Variants in SLC24A3 observed in about 807,000 individuals in gnomAD.
The protein encoded by SLC24A3 is sodium/potassium/calcium exchanger 3.
A neutral mutation model predicts 75.8 loss-of-function variants in SLC24A3; 28 were observed. That is an observed-to-expected ratio of 0.37 (90% CI 0.27 to 0.51). The LOEUF is 0.51. Among genes scored for constraint, SLC24A3 ranks in the 20% least tolerant of loss-of-function variants. SLC24A3 has a pLI of 0.94. For missense variants in SLC24A3, 663 were observed against 847.8 expected (o/e 0.78, Z 2.71); for synonymous variants, 372 against 334.1 (o/e 1.11, Z -1.24).
rs886207155 is a variant in SLC24A3 at position 19,467,929 on chromosome 20, A to G, written c.272-47559A>G. On this transcript the variant is annotated intron_variant, in intron 2 of 16. Transcript: ENST00000328041. ...GATTCTTCACCCTGCAGCATCCAGG[A>G]GCAGAGGTAACCAAGATGGAGCAGC... Among the ~76,000 whole-genome samples, 49 of 151,628 alleles carry G rather than the reference A, an allele frequency of 3.2e-4. 1 individual carries two copies. Among genetic ancestry groups the G allele is most frequent in the Middle Eastern group, 3.5e-3 (1 of 282 alleles).
chr20:19,312,818 A>G (rs1045676008), intron 2 of SLC24A3, among the ~76,000 whole-genome samples: 1 of 152,080 alleles, frequency 6.6e-6, no homozygotes, highest in African/African-American at 2.4e-5. Context: ...GGTTGCTCAA[A>G]GCTCAGAGTT....
chr20:19,618,303 C>T (rs949656396), intron 6 of SLC24A3, among the ~76,000 whole-genome samples: 2 of 152,184 alleles, frequency 1.3e-5, no homozygotes, highest in Non-Finnish European at 1.5e-5. Context: ...TTTTCTCACA[C>T]TTCTGGAGGC....
chr20:19,216,724 C>G (rs1981570270), intron 1 of SLC24A3, among the ~76,000 whole-genome samples: 1 of 152,192 alleles, frequency 6.6e-6, no homozygotes, highest in Non-Finnish European at 1.5e-5. Context: ...TATGTATATA[C>G]TTTGAGCTAC....
intron 11 of SLC24A3, 145 bp from the exon 12 acceptor site, chr20:19,684,955 T>G: frequency 3.1e-6 from 3 of 957,212 alleles, no homozygotes; most frequent in Non-Finnish European, 4.6e-6. Flanking sequence ...GGTTATCACA[T>G]TGAGAGGCCC....
chr20:19,234,250 C>G (rs1300999264), intron 1 of SLC24A3, among the ~76,000 whole-genome samples: 1 of 152,212 alleles, frequency 6.6e-6, no homozygotes, highest in Non-Finnish European at 1.5e-5. Context: ...AATGCAGAGT[C>G]ATGGGCCCCT....
rs369467895 is a variant in SLC24A3, at chr20:19,717,532, G to T, written c.1724G>T (p.Arg575Leu). 10 of 1,613,846 alleles carry T rather than the reference G, an allele frequency of 6.2e-6. No individual in the cohort carries two copies. Among genetic ancestry groups the T allele is most frequent in the Non-Finnish European group, 8.5e-6 (10 of 1,179,888 alleles). ...TLAVDYGSYIRLNSRGLIYSV... is the reference protein window; with the variant it reads ...TLAVDYGSYILLNSRGLIYSV... ...AACTCTAACCCTCTCTTACAGATCC[G>T]GCTGAATAGCAGGGGGCTGATCTAC... The change falls in exon 16 of 17, where the codon CGG (arginine) becomes CTG (leucine). Residue 575 changes from arginine to leucine, a missense_variant. Arg to Leu is a moderately radical substitution (Grantham distance 102). Around this residue, in one of 2 missense-constraint regions of SLC24A3, gnomAD observed 510 missense variants for 703.6 expected, o/e 0.72. Transcript: ENST00000328041.
intron 2 of SLC24A3, among the ~76,000 whole-genome samples, chr20:19,447,145 C>T (rs1883697): frequency 6.6e-6 from 1 of 152,180 alleles, no homozygotes; most frequent in African/African-American, 2.4e-5. Context: ...TTCATTTGAT[C>T]TCCTTGAGCC....
intron 2 of SLC24A3, among the ~76,000 whole-genome samples, chr20:19,329,129 A>C (rs537553478): frequency 3.2e-4 from 49 of 152,280 alleles, no homozygotes; most frequent in African/African-American, 1.2e-3. Flanking sequence ...AAGAGGATGG[A>C]AGGGGAAGGA....
intron 6 of SLC24A3, among the ~76,000 whole-genome samples, chr20:19,637,285 A>C (rs1413239339): frequency 6.6e-6 from 1 of 152,230 alleles, no homozygotes; most frequent in Non-Finnish European, 1.5e-5. Flanking sequence ...TGGGCAACAG[A>C]GCAAGACTCT....
At chr20:19,277,191 C>T (rs1211237871) in intron 1 of SLC24A3, among the ~76,000 whole-genome samples, 1 of 152,224 alleles carries the variant, frequency 6.6e-6, no homozygotes, top group East Asian at 1.9e-4. Context: ...CTGCTACTTG[C>T]TCACTGTGTG....
intron 6 of SLC24A3, among the ~76,000 whole-genome samples, chr20:19,615,612 G>T (rs1242630443): frequency 1.3e-5 from 2 of 152,210 alleles, no homozygotes; most frequent in African/African-American, 4.8e-5. Flanking sequence ...CCAAACGGAT[G>T]ATGCTAAACC....
intron 2 of SLC24A3, among the ~76,000 whole-genome samples, chr20:19,478,735 G>A (rs1358215814): frequency 6.6e-6 from 1 of 152,186 alleles, no homozygotes; most frequent in Non-Finnish European, 1.5e-5. Flanking sequence ...CGATAGATAA[G>A]TCGAGGCTCA....
At chr20:19,346,685 T>C (rs1445430934) in intron 2 of SLC24A3, among the ~76,000 whole-genome samples, 1 of 152,030 alleles carries the variant, frequency 6.6e-6, no homozygotes, top group Non-Finnish European at 1.5e-5. Flanking sequence ...CTTTGGGAAC[T>C]CAGGGGAAAG....
rs888788058 is a variant in SLC24A3 at position 19,480,410 on chromosome 20, A to T, written c.272-35078A>T. Among the ~76,000 whole-genome samples, 5 of 152,360 alleles carry T rather than the reference A, an allele frequency of 3.3e-5. No homozygotes were observed. The South Asian group carries it at 1.0e-3, about 32-fold the overall frequency. On this transcript the variant is annotated intron_variant, in intron 2 of 16. Transcript: ENST00000328041. ...TGGCTTCCCAAACCCACTCTTACCC[A>T]GCTGAGCCATCCTGCCTTTGGGACT...
chr20:19,239,516 G>A (rs1046342233), intron 1 of SLC24A3, among the ~76,000 whole-genome samples: 9 of 152,240 alleles, frequency 5.9e-5, no homozygotes, highest in African/African-American at 2.2e-4. Flanking sequence ...TGTTGGAGAA[G>A]AGGGTGCTTC....
Position 19,212,772 on chromosome 20 carries a change from C to A in SLC24A3, c.-71C>A. 2 of 975,320 alleles carry A rather than the reference C, an allele frequency of 2.1e-6. No homozygotes were observed. Among genetic ancestry groups the A allele is most frequent in the Non-Finnish European group, 2.4e-6 (2 of 823,666 alleles). 60.4% of individuals were successfully genotyped at this position (975,320 alleles called of 1,614,324 possible). A position where few individuals can be genotyped will look rare whatever the true frequency, so the allele number is the denominator to read the frequency against. On this transcript the variant is annotated 5_prime_UTR_variant, in exon 1 of 17. It adds an upstream start codon to the 5' untranslated region. Transcript: ENST00000328041. ...CTGCGCGCAGGGCTGCCTCCTGCCG[C>A]TGTCCCCGCCGCGGCCGCCCGCGAC...
At position 19,684,211 on chromosome 20, in the gene SLC24A3, G is replaced by T; in HGVS notation, c.937G>T (p.Asp313Tyr). The T allele has an allele frequency of 6.2e-7, 1 of 1,614,136 alleles. No homozygotes were observed. Among genetic ancestry groups the T allele is most frequent in the Non-Finnish European group, 8.5e-7 (1 of 1,180,022 alleles). The change falls in exon 11 of 17, where the codon GAC becomes TAC. Residue 313 changes from aspartate (D) to tyrosine (Y), a missense_variant. Physicochemically the swap from Asp to Tyr is radical, Grantham distance 160 (BLOSUM62 -3). Around this residue, in one of 2 missense-constraint regions of SLC24A3, gnomAD observed 510 missense variants for 703.6 expected, o/e 0.72. Transcript: ENST00000328041. The part of the protein sequence containing the change: ...FHRKASVIMV[D>Y]ELLSAYPHQL... ...CCGCAAAGCATCAGTGATCATGGTA[G>T]ACGAGCTGCTGTCAGCCTACCCACA...
At chr20:19,503,980 T>C (rs1310507751) in intron 2 of SLC24A3, among the ~76,000 whole-genome samples, 1 of 152,178 alleles carries the variant, frequency 6.6e-6, no homozygotes, top group Non-Finnish European at 1.5e-5. Context: ...TTTTAGGACT[T>C]GGTTAGCAAA....
intron 1 of SLC24A3, among the ~76,000 whole-genome samples, chr20:19,253,275 G>T (rs1205096763): frequency 6.6e-6 from 1 of 152,156 alleles, no homozygotes; most frequent in Non-Finnish European, 1.5e-5. Context: ...GACCTGCCAC[G>T]CTTGGTTGCA....
Sources: gnomAD v4.1 joint callset for allele counts (sites outside exome capture counted in the v4.1 genomes callset) on GRCh38, gnomAD v4.1.1 for gene constraint, gnomAD v4.1.1 regional missense constraint, MANE v1.5 for transcripts, NCBI Gene and HGNC (gene_info 2026-07-23, HGNC 2026-07-21) for gene names.